LRRC7: variants seen among roughly 807,000 people sequenced by gnomAD.
LRRC7 encodes leucine rich repeat containing 7.
Under a neutral mutation model 175.7 loss-of-function variants are expected in LRRC7, and 23 were observed. That is an observed-to-expected ratio of 0.13 (90% CI 0.09 to 0.19). LRRC7 has a LOEUF of 0.19. Among genes scored for constraint, LRRC7 ranks in the 10% least tolerant of loss-of-function variants. LRRC7 has a pLI of 1.00. For missense variants in LRRC7, 1,354 were observed against 1,904.7 expected, an observed-to-expected ratio of 0.71 and a Z score of 5.38; for synonymous variants, 685 against 680.9, an observed-to-expected ratio of 1.01 and a Z score of -0.09.
At position 70,036,633 on chromosome 1, in the gene LRRC7, A is replaced by G. The variant is rs1159778172; in HGVS notation, c.2288+9A>G. On this transcript the variant is annotated intron_variant, in intron 20 of 26. Coordinates refer to ENST00000651989, the MANE Select transcript of LRRC7 (RefSeq NM_001370785.2). Reference sequence around the variant, plus strand: ...TCTTTGTGGGGTAACAGGTGTGTTTAGAATTCCCTCCTTTTGTTCCCAAAC... The same window carrying G: ...TCTTTGTGGGGTAACAGGTGTGTTTGGAATTCCCTCCTTTTGTTCCCAAAC... 2 of 1,589,296 alleles carry G rather than the reference A, an allele frequency of 1.3e-6. No homozygotes were observed. Among genetic ancestry groups the G allele is most frequent in the South Asian group, 1.2e-5 (1 of 86,452 alleles).
At chr1:69,665,090 C>A (rs539626809) in intron 1 of LRRC7, among the ~76,000 whole-genome samples, 1 of 152,142 alleles carries the variant, frequency 6.6e-6, no homozygotes, top group South Asian at 2.1e-4. Context: ...GTTCATGGCA[C>A]CTTCATCAAA....
At chr1:69,739,608 T>C (rs1163298666) in intron 2 of LRRC7, among the ~76,000 whole-genome samples, 1 of 152,090 alleles carries the variant, frequency 6.6e-6, no homozygotes, top group African/African-American at 2.4e-5. Context: ...TTTGTGTTCA[T>C]TTTTTTCAAT....
At chr1:69,724,301 C>T (rs936617817) in intron 2 of LRRC7, among the ~76,000 whole-genome samples, 2 of 152,086 alleles carry the variant, frequency 1.3e-5, no homozygotes, top group Non-Finnish European at 2.9e-5. Context: ...AAGATCACAC[C>T]ACTGCACTCC....
chr1:69,968,008 G>T (rs930467190), intron 8 of LRRC7, among the ~76,000 whole-genome samples: 1 of 152,062 alleles, frequency 6.6e-6, no homozygotes, highest in Non-Finnish European at 1.5e-5. Flanking sequence ...GCTAATCAGG[G>T]AGTCACCAGA....
At chr1:69,935,904 G>A (rs1274071605) in intron 8 of LRRC7, among the ~76,000 whole-genome samples, 2 of 152,030 alleles carry the variant, frequency 1.3e-5, no homozygotes, top group Admixed American at 6.6e-5. Context: ...AAGCCAAAAC[G>A]TGTTTTTCAT....
chr1:69,783,406 T>C (rs1192103002), intron 3 of LRRC7, among the ~76,000 whole-genome samples: 4 of 151,970 alleles, frequency 2.6e-5, no homozygotes, highest in African/African-American at 9.7e-5. Flanking sequence ...TAAGTGGAAA[T>C]AGGATATACA....
intron 1 of LRRC7, among the ~76,000 whole-genome samples, chr1:69,621,618 C>T (rs1650620416): frequency 1.3e-5 from 2 of 152,148 alleles, no homozygotes. Context: ...TTTTTCTACT[C>T]TCAGAGTGTT....
At chr1:69,687,242 C>T (rs1661262529) in intron 2 of LRRC7, among the ~76,000 whole-genome samples, 1 of 152,068 alleles carries the variant, frequency 6.6e-6, no homozygotes, top group Non-Finnish European at 1.5e-5. Context: ...GGCACGTTGG[C>T]TCACACCTGT....
chr1:69,633,804 C>A (rs1652892630), intron 1 of LRRC7, among the ~76,000 whole-genome samples: 1 of 152,058 alleles, frequency 6.6e-6, no homozygotes, highest in Admixed American at 6.6e-5. Context: ...AATCTAGGGC[C>A]TGCCATGGGG....
intron 2 of LRRC7, among the ~76,000 whole-genome samples, chr1:69,748,056 G>T (rs995750432): frequency 1.2e-4 from 18 of 152,044 alleles, no homozygotes; most frequent in African/African-American, 4.3e-4. Context: ...TAAAGTAACT[G>T]CCTAAATTTA....
intron 22 of LRRC7, among the ~76,000 whole-genome samples, chr1:70,049,177 A>C (rs1250272631): frequency 6.6e-6 from 1 of 152,122 alleles, no homozygotes; most frequent in Non-Finnish European, 1.5e-5. Context: ...AGAATTTTGC[A>C]TGGAAGAAAT....
chr1:69,696,377 C>A (rs1662585363), intron 2 of LRRC7, among the ~76,000 whole-genome samples: 1 of 152,152 alleles, frequency 6.6e-6, no homozygotes, highest in Admixed American at 6.5e-5. Flanking sequence ...CCTATACCAC[C>A]ATTATATCTT....
intron 25 of LRRC7, among the ~76,000 whole-genome samples, chr1:70,097,876 G>A (rs536615826): frequency 1.4e-5 from 2 of 147,222 alleles, no homozygotes; most frequent in African/African-American, 5.1e-5. Context: ...GGACATTTGG[G>A]TTGGTTCCAA....
intron 4 of LRRC7, 70 bp downstream of exon 4, chr1:69,792,230 T>C: frequency 1.2e-6 from 1 of 842,750 alleles, no homozygotes; most frequent in Non-Finnish European, 1.9e-6. Flanking sequence ...TATCTTCTCT[T>C]AGCAAATAAT....
At chr1:69,793,044 G>A (rs961245342) in intron 4 of LRRC7, among the ~76,000 whole-genome samples, 1 of 152,058 alleles carries the variant, frequency 6.6e-6, no homozygotes, top group Non-Finnish European at 1.5e-5. Context: ...CTTCCTGTGT[G>A]TGCACCGTAT....
intron 2 of LRRC7, among the ~76,000 whole-genome samples, chr1:69,702,987 A>G (rs1469829965): frequency 6.6e-6 from 1 of 152,064 alleles, no homozygotes; most frequent in Non-Finnish European, 1.5e-5. Context: ...ACATGGACGT[A>G]ATTAAGCAAA....
At chr1:69,991,589 C>T (rs1010152245) in intron 10 of LRRC7, among the ~76,000 whole-genome samples, 1 of 152,106 alleles carries the variant, frequency 6.6e-6, no homozygotes, top group Non-Finnish European at 1.5e-5. Context: ...GAGCTCTGTT[C>T]TGAGGCCCTA....
chr1:70,007,352 G>A lies in LRRC7; in HGVS notation c.1005-4445G>A, dbSNP rs540894271. Among the ~76,000 whole-genome samples the A allele has an allele frequency of 1.8e-4, 28 of 152,216 alleles. No homozygotes were observed. The South Asian group carries it at 3.5e-3, about 19-fold the overall frequency. ...TAAATCACAATATTTCACAGGGATC[G>A]TAAAAATGACCTTGCAATCTGAAAC... On this transcript the variant is annotated intron_variant, in intron 11 of 26. Transcript: ENST00000651989.
chr1:69,923,067 G>C (rs1298130892), intron 7 of LRRC7, among the ~76,000 whole-genome samples: 2 of 151,990 alleles, frequency 1.3e-5, no homozygotes, highest in African/African-American at 2.4e-5. Context: ...AACATGCGGT[G>C]TTTGGTTTTT....
Sources: gnomAD v4.1 joint callset for allele counts (sites outside exome capture counted in the v4.1 genomes callset) on GRCh38, gnomAD v4.1.1 for gene constraint, MANE v1.5 for transcripts, NCBI Gene and HGNC (gene_info 2026-07-23, HGNC 2026-07-21) for gene names.